Variants in C2CD5 observed in about 807,000 individuals in gnomAD.
C2CD5 encodes C2 calcium dependent domain containing 5, also known as C2 domain-containing protein 5.
C2CD5 carries 109 observed loss-of-function variants against 130.3 expected under a neutral mutation model. That is an observed-to-expected ratio of 0.84 (90% CI 0.72 to 0.98). The LOEUF is 0.98. C2CD5 is among the 50% of genes least tolerant of loss of function. The pLI, the probability that C2CD5 is intolerant of heterozygous loss-of-function variation, is 0.00. For synonymous variants in C2CD5, 454 were observed against 429.2 expected (o/e 1.06, Z -0.71); for missense variants, 996 against 1,261.8 (o/e 0.79, Z 3.19).
intron 25 of C2CD5, among the ~76,000 whole-genome samples, chr12:22,456,713 A>G (rs551324959): frequency 6.6e-6 from 1 of 152,306 alleles, no homozygotes; most frequent in South Asian, 2.1e-4. Flanking sequence ...TTAAACTTCT[A>G]TTTGAACACA....
Position 22,484,892 on chromosome 12 carries a change from TATAA to T in C2CD5, c.1359-8_1359-5del, listed in dbSNP as rs1945262096. ...TGTAGGCAAATTTTCTTCAAGCCTA[TATAA>T]ATAAATAAAAAAATAAGATATTCTT... On this transcript the variant is annotated splice_polypyrimidine_tract_variant and splice_region_variant and intron_variant, in intron 12 of 26. Coordinates refer to ENST00000446597, the MANE Select transcript of C2CD5 (RefSeq NM_001286176.2). 4 of 1,388,996 alleles carry T rather than the reference TATAA, an allele frequency of 2.9e-6. No individual in the cohort carries two copies. Among genetic ancestry groups the T allele is most frequent in the Non-Finnish European group, 3.9e-6 (4 of 1,035,750 alleles). 86.0% of individuals were successfully genotyped at this position (1,388,996 alleles called of 1,614,324 possible). A position where few individuals can be genotyped will look rare whatever the true frequency, so the allele number is the denominator to read the frequency against.
intron 2 of C2CD5, among the ~76,000 whole-genome samples, chr12:22,543,279 C>G (rs1289045910): frequency 6.6e-6 from 1 of 152,188 alleles, no homozygotes. Flanking sequence ...ACCTTCCGGC[C>G]GTAGGCCTTT....
intron 22 of C2CD5, among the ~76,000 whole-genome samples, chr12:22,468,645 A>G (rs1942498936): frequency 6.6e-6 from 1 of 152,194 alleles, no homozygotes; most frequent in Non-Finnish European, 1.5e-5. Context: ...ATATGCTACA[A>G]TTCTCTATGG....
chr12:22,497,574 A>G, intron 10 of C2CD5: 1 of 947,318 alleles, frequency 1.1e-6, no homozygotes, highest in Non-Finnish European at 1.3e-6. Flanking sequence ...TATATTCCCA[A>G]ATACCTGAAA....
At chr12:22,489,021 G>A (rs1381710860) in intron 12 of C2CD5, among the ~76,000 whole-genome samples, 6 of 151,416 alleles carry the variant, frequency 4.0e-5, no homozygotes, top group South Asian at 2.1e-4. Context: ...GATTAGAGGC[G>A]CCCACCATCA....
intron 7 of C2CD5, chr12:22,519,289 C>T (rs544762893): frequency 5.5e-6 from 8 of 1,464,762 alleles, no homozygotes; most frequent in Non-Finnish European, 6.4e-6. Flanking sequence ...ATACATACAA[C>T]AGATTGCAGA....
At chr12:22,519,035 A>ACTAC in intron 7 of C2CD5, 1 of 1,283,438 alleles carries the variant, frequency 7.8e-7, no homozygotes, top group Non-Finnish European at 1.1e-6. Flanking sequence ...ACCTGCCTAC[A>ACTAC]CTACCTGCCT....
chr12:22,452,200 AAAG>A (rs1565631037), intron 26 of C2CD5, among the ~76,000 whole-genome samples: 1 of 152,214 alleles, frequency 6.6e-6, no homozygotes, highest in African/African-American at 2.4e-5. Flanking sequence ...AAATTATTAC[AAAG>A]AAGTATCCAG....
chr12:22,527,775 T>C lies in C2CD5; in HGVS notation c.295A>G (p.Ser99Gly), dbSNP rs577005043. 1.1e-5 allele frequency: 18 copies of C among 1,606,136 alleles called. No homozygotes were observed. Among genetic ancestry groups the C allele is most frequent in the Non-Finnish European group, 1.5e-5 (18 of 1,174,090 alleles). The change falls in exon 4 of 27, where the codon AGT (serine) becomes GGT (glycine). Residue 99 changes from serine (S) to glycine (G), a missense_variant. Physicochemically the swap from Ser to Gly is moderately conservative, Grantham distance 56 (BLOSUM62 0). Coordinates refer to ENST00000446597, the MANE Select transcript of C2CD5 (RefSeq NM_001286176.2). ...CCTGAGATGACTGTTGCAGCTTCAC[T>C]ATACAGTAAAGGATCAATATCAATG... ...VYIDIDPLLY[S>G]EAATVISGWF...
At chr12:22,475,145 A>C (rs1294940873) in intron 15 of C2CD5, among the ~76,000 whole-genome samples, 1 of 152,156 alleles carries the variant, frequency 6.6e-6, no homozygotes, top group Non-Finnish European at 1.5e-5. Context: ...GTGTACACAC[A>C]GGACACTACA....
chr12:22,538,862 C>T (rs1952072527), intron 2 of C2CD5, among the ~76,000 whole-genome samples: 1 of 152,160 alleles, frequency 6.6e-6, no homozygotes. Context: ...TTTCTCATGA[C>T]AAGCCCACGC....
chr12:22,458,763 T>C, intron 23 of C2CD5, 178 bp from the exon 24 acceptor site: 1 of 353,914 alleles, frequency 2.8e-6, no homozygotes, highest in Non-Finnish European at 5.1e-6. Context: ...CACTGATTTG[T>C]CCAAAACCAA....
Position 22,478,319 on chromosome 12 carries a change from A to G in C2CD5, c.1896T>C (p.Asn632=). The change falls in exon 15 of 27, where the codon AAT becomes AAC. Residue 632 remains asparagine (N), a synonymous_variant. Coordinates refer to ENST00000446597, the MANE Select transcript of C2CD5 (RefSeq NM_001286176.2). ...IAKNKELYEI[N]PPEISEEIIG... ...GTAGGTTTGTTTTACTTACTGGAGG[A>G]TTGATTTCATATAACTCTTTGTTTT... The G allele has an allele frequency of 6.2e-7, 1 of 1,609,794 alleles. No individual in the cohort carries two copies. The highest frequency in any genetic ancestry group is 2.2e-5 in the East Asian group (1 of 44,770).
intron 3 of C2CD5, chr12:22,534,945 T>A (rs1951683742): frequency 5.1e-6 from 1 of 194,688 alleles, no homozygotes; most frequent in Admixed American, 6.1e-5. Flanking sequence ...GTACTACAAT[T>A]TTTAAAAATT....
intron 12 of C2CD5, among the ~76,000 whole-genome samples, chr12:22,489,694 A>C (rs1946088984): frequency 6.6e-6 from 1 of 152,176 alleles, no homozygotes; most frequent in Admixed American, 6.5e-5. Context: ...ATATCTACAG[A>C]TAATCTTGAT....
intron 2 of C2CD5, among the ~76,000 whole-genome samples, chr12:22,541,070 CT>C (rs1433583349): frequency 6.6e-6 from 1 of 151,848 alleles, no homozygotes; most frequent in Non-Finnish European, 1.5e-5. Context: ...ACTCAGACCT[CT>C]TTTTTTTGAA....
chr12:22,514,681 T>G (rs957548055), intron 8 of C2CD5, among the ~76,000 whole-genome samples: 3 of 151,990 alleles, frequency 2.0e-5, no homozygotes, highest in Non-Finnish European at 4.4e-5. Flanking sequence ...GGAAAGAAAG[T>G]AAAGCATCTA....
chr12:22,453,890 T>A lies in C2CD5; in HGVS notation c.3024+6A>T, dbSNP rs1591913170. On this transcript the variant is annotated splice_donor_region_variant and intron_variant, in intron 26 of 26. Transcript: ENST00000446597. ...CGCCAATCAGGAATTTTTAACTGCA[T>A]CTTACCTGGTTTTTATTTGGATTCT... 4 of 1,611,514 alleles carry A rather than the reference T, an allele frequency of 2.5e-6. No homozygotes were observed. Among genetic ancestry groups the A allele is most frequent in the Non-Finnish European group, 3.4e-6 (4 of 1,178,716 alleles).
chr12:22,513,793 G>A (rs1949437257), intron 8 of C2CD5, among the ~76,000 whole-genome samples: 1 of 152,004 alleles, frequency 6.6e-6, no homozygotes. Flanking sequence ...AGAGACAAAA[G>A]CACTACTTGT....
Sources: gnomAD v4.1 joint callset for allele counts (sites outside exome capture counted in the v4.1 genomes callset) on GRCh38, gnomAD v4.1.1 for gene constraint, MANE v1.5 for transcripts, NCBI Gene and HGNC (gene_info 2026-07-23, HGNC 2026-07-21) for gene names.